The following PTPRU variants were observed in gnomAD, a reference collection of about 807,000 sequenced individuals.
PTPRU encodes protein tyrosine phosphatase receptor type U, also known as receptor-type tyrosine-protein phosphatase U.
A neutral mutation model predicts 166.3 loss-of-function variants in PTPRU; 69 were observed. The observed-to-expected ratio is 0.41, with a 90% CI of 0.34 to 0.51. The LOEUF (loss-of-function observed/expected upper bound fraction) is 0.51. PTPRU is among the 20% of genes least tolerant of loss of function. PTPRU has a pLI of 0.09. For missense variants in PTPRU, 1,657 were observed against 2,013.7 expected (o/e 0.82, Z 3.39); for synonymous variants, 793 against 814.0 (o/e 0.97, Z 0.44).
intron 14 of PTPRU, among the ~76,000 whole-genome samples, chr1:29,286,674 A>G (rs1686362809): frequency 6.6e-6 from 1 of 151,980 alleles, no homozygotes; most frequent in Admixed American, 6.5e-5. Flanking sequence ...TTGAGGTCCT[A>G]GAAATCTACC....
intron 18 of PTPRU, chr1:29,307,079 TA>T: frequency 6.2e-7 from 1 of 1,602,858 alleles, no homozygotes. Flanking sequence ...GCCCCTGGCC[TA>T]ATATCTGTCT....
rs769931014 is a variant in PTPRU at position 29,259,414 on chromosome 1, C to T, written c.560-35C>T. ...CCGCGGCTCCTGCCTGCAGGGGGTG[C>T]AGGCCCAGCTCACGATGCAGCTCTA... On this transcript the variant is annotated intron_variant, in intron 4 of 29. Coordinates refer to ENST00000373779, the MANE Select transcript of PTPRU (RefSeq NM_133178.4). The T allele has an allele frequency of 2.8e-5, 45 of 1,607,066 alleles. No individual in the cohort carries two copies. The South Asian group carries it at 4.9e-4, about 17-fold the overall frequency.
intron 15 of PTPRU, 36 bp downstream of exon 15, chr1:29,292,062 T>G: frequency 6.2e-7 from 1 of 1,608,828 alleles, no homozygotes; most frequent in South Asian, 1.1e-5. Context: ...TCTTCATGGC[T>G]CTGGGGCTCC....
At chr1:29,290,031 A>G (rs1159617489) in intron 14 of PTPRU, among the ~76,000 whole-genome samples, 5 of 152,076 alleles carry the variant, frequency 3.3e-5, no homozygotes, top group African/African-American at 4.8e-5. Flanking sequence ...CCTTACGTCT[A>G]CTGTTCCTCG....
chr1:29,308,787 G>A (rs1687519528), intron 18 of PTPRU, among the ~76,000 whole-genome samples: 1 of 152,106 alleles, frequency 6.6e-6, no homozygotes. Context: ...ACTTTGGGAG[G>A]CTGAGGCGGG....
chr1:29,309,058 G>A (rs964189066), intron 18 of PTPRU, among the ~76,000 whole-genome samples: 4 of 152,162 alleles, frequency 2.6e-5, no homozygotes, highest in Non-Finnish European at 5.9e-5. Context: ...GTCACTGGGA[G>A]GCTTTTCGTC....
intron 18 of PTPRU, chr1:29,305,719 A>G: frequency 3.5e-6 from 2 of 568,988 alleles, no homozygotes; most frequent in Non-Finnish European, 6.7e-6. Flanking sequence ...GGCGGGAGGC[A>G]TGGAGAATGG....
chr1:29,248,179 G>A (rs980135499), intron 1 of PTPRU, among the ~76,000 whole-genome samples: 3 of 152,148 alleles, frequency 2.0e-5, no homozygotes, highest in African/African-American at 7.2e-5. Context: ...ATAAGTCCAG[G>A]CACTGTTGGC....
In PTPRU at chr1:29,236,827, C is replaced by A; in HGVS notation, c.73+110C>A. 9.7e-7 allele frequency: 1 copy of A among 1,034,654 alleles called. No individual in the cohort carries two copies. Among genetic ancestry groups the A allele is most frequent in the Non-Finnish European group, 1.3e-6 (1 of 799,948 alleles). 64.1% of individuals were successfully genotyped at this position (1,034,654 alleles called of 1,614,324 possible). A position where few individuals can be genotyped will look rare whatever the true frequency, so the allele number is the denominator to read the frequency against. ...TGACCGGGCGTTACGAGCGTGCTCC[C>A]TGTGTGTGTCTGAGCGTAGGATGGG... On this transcript the variant is annotated intron_variant, in intron 1 of 29. Transcript: ENST00000373779. The surrounding 1 kb of genome is among the most constrained non-coding windows in gnomAD (Gnocchi z 4.6).
intron 7 of PTPRU, among the ~76,000 whole-genome samples, chr1:29,266,023 T>TC (rs1319205746): frequency 7.1e-5 from 10 of 141,844 alleles, no homozygotes; most frequent in Admixed American, 3.5e-4. Context: ...TTTTTTTTTT[T>TC]TTTTTTTTTT....
chr1:29,254,091 A>G (rs777294553), intron 1 of PTPRU, among the ~76,000 whole-genome samples: 10 of 152,184 alleles, frequency 6.6e-5, no homozygotes, highest in African/African-American at 2.4e-4. Context: ...CCTCAGTCAC[A>G]TCATCTGTCA....
chr1:29,237,903 C>A lies in PTPRU; in HGVS notation c.73+1186C>A, dbSNP rs1683851855. On this transcript the variant is annotated intron_variant, in intron 1 of 29. Transcript: ENST00000373779. This position sits in a 1 kb window ranked among gnomAD's most constrained non-coding sequence, Gnocchi z 6.4. ...GGGCGGGGGCTGTCCCCGGGCTGGGCTGCGACGTCCGGGCGCGGGCAGGGC... is the reference window on the plus strand; with the variant it reads ...GGGCGGGGGCTGTCCCCGGGCTGGGATGCGACGTCCGGGCGCGGGCAGGGC... Among the ~76,000 whole-genome samples, 1 of 148,144 alleles carries A rather than the reference C, an allele frequency of 6.8e-6. No homozygotes were observed. The highest frequency in any genetic ancestry group is 2.4e-5 in the African/African-American group (1 of 40,970).
At chr1:29,297,234 T>C (rs890446949) in intron 15 of PTPRU, among the ~76,000 whole-genome samples, 5 of 151,950 alleles carry the variant, frequency 3.3e-5, no homozygotes. Flanking sequence ...TTTGTATTTT[T>C]TGTAGAGACG....
chr1:29,279,459 A>T lies in PTPRU; in HGVS notation c.1567A>T (p.Ser523Cys). ...TGCCTGCCAATCCTGCCCCCAGATC[A>T]GCTACCAGAGCATCGAGTCATCAGA... ...PNGLITQYEI[S>C]YQSIESSDPA... is the part of the protein sequence containing the mutation. The change falls in exon 10 of 30, where the codon AGC becomes TGC. Residue 523 changes from serine to cysteine, a missense_variant. Ser to Cys is a moderately radical substitution (Grantham distance 112). This residue lies in a region of PTPRU where 1,190 missense variants were observed against 1,477.4 expected (regional missense o/e 0.81). Transcript: ENST00000373779. This position sits in a 1 kb window ranked among gnomAD's most constrained non-coding sequence, Gnocchi z 5.2. The T allele has an allele frequency of 6.2e-7, 1 of 1,614,020 alleles. No homozygotes were observed. Among genetic ancestry groups the T allele is most frequent in the Non-Finnish European group, 8.5e-7 (1 of 1,179,952 alleles).
At chr1:29,243,668 C>T (rs992479636) in intron 1 of PTPRU, among the ~76,000 whole-genome samples, 5 of 152,208 alleles carry the variant, frequency 3.3e-5, no homozygotes, top group Admixed American at 6.5e-5. Flanking sequence ...CAATGTGCTG[C>T]GGTTTTCCAT....
chr1:29,277,574 T>A (rs1490238823), intron 8 of PTPRU, among the ~76,000 whole-genome samples: 2 of 152,248 alleles, frequency 1.3e-5, no homozygotes, highest in Admixed American at 1.3e-4. Context: ...ACATGTATTC[T>A]GTTGCTGTTG....
At position 29,257,675 on chromosome 1, in the gene PTPRU, C is replaced by A. The variant is rs1361313056; in HGVS notation, c.206-830C>A. On this transcript the variant is annotated intron_variant, in intron 2 of 29. Transcript: ENST00000373779. This position sits in a 1 kb window ranked among gnomAD's most constrained non-coding sequence, Gnocchi z 4.6. ...GCTGGAAGGGAAGTTGGAATCCTTT[C>A]ATTCAATCTCTGTTCTACATATTCA... Among the ~76,000 whole-genome samples, 2 of 152,212 alleles carry A rather than the reference C, an allele frequency of 1.3e-5. No homozygotes were observed. The highest frequency in any genetic ancestry group is 2.9e-5 in the Non-Finnish European group (2 of 68,046).
At chr1:29,264,281 A>C (rs10915246) in intron 7 of PTPRU, among the ~76,000 whole-genome samples, 72,720 of 151,482 alleles carry the variant, frequency 0.48, 19,328 homozygotes, top group Middle Eastern at 0.61. Flanking sequence ...CTTTTTCTTG[A>C]TAGTTTTTTT....
chr1:29,268,274 G>A (rs984805585), intron 7 of PTPRU, among the ~76,000 whole-genome samples: 1 of 152,180 alleles, frequency 6.6e-6, no homozygotes, highest in Non-Finnish European at 1.5e-5. Flanking sequence ...GGTATAGATG[G>A]CATTTAAAGC....
Sources: allele counts gnomAD v4.1 joint callset (sites outside exome capture counted in the v4.1 genomes callset), GRCh38; gene constraint gnomAD v4.1.1; regional missense constraint gnomAD v4.1.1; non-coding constraint Gnocchi (gnomAD v3.1); transcripts MANE v1.5; gene names NCBI Gene and HGNC (gene_info 2026-07-23, HGNC 2026-07-21).